GRIA1: variants seen among roughly 807,000 people sequenced by gnomAD.
The protein encoded by GRIA1 is glutamate ionotropic receptor AMPA type subunit 1, also known as glutamate receptor 1.
Under a neutral mutation model 99.2 loss-of-function variants are expected in GRIA1, and 31 were observed. The ratio of observed to expected loss-of-function variants is 0.31; its 90% CI spans 0.23 to 0.42. GRIA1 has a LOEUF of 0.42. Ranked by LOEUF, GRIA1 falls within the 10% of genes least tolerant of loss-of-function variation. The pLI, the probability that GRIA1 is intolerant of heterozygous loss-of-function variation, is 1.00. For synonymous variants in GRIA1, 438 were observed against 432.4 expected (o/e 1.01, Z -0.16); for missense variants, 782 against 1,157.5 (o/e 0.68, Z 4.71).
chr5:153,800,119 T>C (rs1294120584), intron 14 of GRIA1, among the ~76,000 whole-genome samples: 2 of 152,190 alleles, frequency 1.3e-5, no homozygotes, highest in Non-Finnish European at 2.9e-5. Context: ...GAAAGACTGA[T>C]CAGCTCATGA....
chr5:153,806,750 T>C (rs889047505), intron 15 of GRIA1, among the ~76,000 whole-genome samples: 1 of 152,202 alleles, frequency 6.6e-6, no homozygotes, highest in African/African-American at 2.4e-5. Context: ...GGAAAGATGA[T>C]TTTTCAGTAA....
At chr5:153,786,529 G>T (rs1357913712) in intron 13 of GRIA1, among the ~76,000 whole-genome samples, 1 of 151,480 alleles carries the variant, frequency 6.6e-6, no homozygotes, top group Non-Finnish European at 1.5e-5. Flanking sequence ...TGTTCAAGTT[G>T]TTATTCCTAG....
At chr5:153,612,298 A>G (rs1337947704) in intron 2 of GRIA1, among the ~76,000 whole-genome samples, 2 of 152,248 alleles carry the variant, frequency 1.3e-5, no homozygotes, top group African/African-American at 4.8e-5. Flanking sequence ...AATATGCTGA[A>G]TCTACAGTCT....
intron 2 of GRIA1, among the ~76,000 whole-genome samples, chr5:153,546,013 T>G (rs1287623676): frequency 6.6e-6 from 1 of 152,200 alleles, no homozygotes; most frequent in African/African-American, 2.4e-5. Context: ...CCAACAATTC[T>G]TTTCCAGTAG....
intron 2 of GRIA1, among the ~76,000 whole-genome samples, chr5:153,527,387 AAATT>A (rs1310690253): frequency 6.6e-6 from 1 of 152,162 alleles, no homozygotes; most frequent in Non-Finnish European, 1.5e-5. Flanking sequence ...CTTCATTTGG[AAATT>A]AATTATGGTT....
chr5:153,705,646 T>TGCTGA lies in GRIA1; in HGVS notation c.1453-47_1453-43dup. On this transcript the variant is annotated intron_variant, in intron 10 of 15. Coordinates refer to ENST00000285900, the MANE Select transcript of GRIA1 (RefSeq NM_000827.4). ...AGAAAAACAAGAGAATGAAAAGGGC[T>TGCTGA]GCTGAGCTCACCTGCATTTTTTTTT... is the stretch of plus-strand genomic sequence containing the variant. The TGCTGA allele has an allele frequency of 2.9e-6, 4 of 1,397,882 alleles. No individual in the cohort carries two copies. The South Asian group carries it at 6.1e-5, about 21-fold the overall frequency. 86.6% of individuals were successfully genotyped at this position (1,397,882 alleles called of 1,614,324 possible).
At chr5:153,509,858 G>A (rs1181532797) in intron 2 of GRIA1, among the ~76,000 whole-genome samples, 2 of 152,176 alleles carry the variant, frequency 1.3e-5, no homozygotes, top group South Asian at 2.1e-4. Flanking sequence ...TTAATTGTTT[G>A]TGATGACAAG....
chr5:153,742,750 A>C (rs1267636457), intron 11 of GRIA1, among the ~76,000 whole-genome samples: 2 of 152,142 alleles, frequency 1.3e-5, no homozygotes, highest in Non-Finnish European at 2.9e-5. Context: ...CATGCTTTAT[A>C]TCTTTCCTAT....
chr5:153,585,005 C>T (rs1365475998), intron 2 of GRIA1, among the ~76,000 whole-genome samples: 1 of 152,220 alleles, frequency 6.6e-6, no homozygotes, highest in African/African-American at 2.4e-5. Context: ...TATCATTCAA[C>T]AAACCTTAAC....
intron 2 of GRIA1, among the ~76,000 whole-genome samples, chr5:153,600,270 T>C (rs1224868519): frequency 2.0e-5 from 3 of 151,492 alleles, no homozygotes; most frequent in Non-Finnish European, 1.5e-5. Context: ...CGGGCGCCTG[T>C]AGTCCCAGAT....
chr5:153,614,194 C>A (rs947271343), intron 2 of GRIA1, among the ~76,000 whole-genome samples: 1 of 152,136 alleles, frequency 6.6e-6, no homozygotes, highest in African/African-American at 2.4e-5. Flanking sequence ...ACACTTATTA[C>A]GATTTGTAAT....
At chr5:153,788,946 G>T (rs1383680380) in intron 13 of GRIA1, among the ~76,000 whole-genome samples, 1 of 151,936 alleles carries the variant, frequency 6.6e-6, no homozygotes, top group East Asian at 1.9e-4. Flanking sequence ...ATTTCCTTTG[G>T]CTCTATTGTC....
chr5:153,634,727 G>A (rs538670485), intron 2 of GRIA1, among the ~76,000 whole-genome samples: 5 of 152,294 alleles, frequency 3.3e-5, no homozygotes, highest in South Asian at 2.1e-4. Flanking sequence ...TGTCGTTTTC[G>A]CAGCATGCTT....
At chr5:153,620,513 G>A (rs1310332052) in intron 2 of GRIA1, among the ~76,000 whole-genome samples, 1 of 152,170 alleles carries the variant, frequency 6.6e-6, no homozygotes, top group African/African-American at 2.4e-5. Flanking sequence ...TGTCCTGAGA[G>A]AAAGAAAACT....
intron 15 of GRIA1, among the ~76,000 whole-genome samples, chr5:153,808,800 A>T (rs909309991): frequency 7.2e-5 from 11 of 152,388 alleles, no homozygotes; most frequent in African/African-American, 2.6e-4. Flanking sequence ...GTGAGAAGGT[A>T]GTAACCATCC....
At chr5:153,726,915 C>T (rs552826856) in intron 11 of GRIA1, among the ~76,000 whole-genome samples, 18 of 152,288 alleles carry the variant, frequency 1.2e-4, no homozygotes, top group Admixed American at 5.2e-4. Flanking sequence ...ATATCAAAGC[C>T]GGGCAGAGAC....
intron 1 of GRIA1, among the ~76,000 whole-genome samples, chr5:153,493,461 C>T (rs1458935378): frequency 6.6e-6 from 1 of 152,184 alleles, no homozygotes; most frequent in Non-Finnish European, 1.5e-5. Flanking sequence ...GGTCCCAGAG[C>T]TAGATTTCAA....
chr5:153,526,665 T>C (rs1581176557), intron 2 of GRIA1, among the ~76,000 whole-genome samples: 2 of 152,238 alleles, frequency 1.3e-5, no homozygotes, highest in African/African-American at 4.8e-5. Context: ...ATTTGGTATG[T>C]TAAAAATACT....
chr5:153,769,963 A>G (rs1763764545), intron 12 of GRIA1, among the ~76,000 whole-genome samples: 1 of 152,138 alleles, frequency 6.6e-6, no homozygotes, highest in African/African-American at 2.4e-5. Flanking sequence ...TATTCTGTTC[A>G]TTCTGAATTT....
Sources: gnomAD v4.1 joint callset for allele counts (sites outside exome capture counted in the v4.1 genomes callset) on GRCh38, gnomAD v4.1.1 for gene constraint, MANE v1.5 for transcripts, NCBI Gene and HGNC (gene_info 2026-07-23, HGNC 2026-07-21) for gene names.